ADH7: variants seen among roughly 807,000 people sequenced by gnomAD.
ADH7 encodes all-trans-retinol dehydrogenase [NAD(+)] ADH7.
Under a neutral mutation model 34.4 loss-of-function variants are expected in ADH7, and 41 were observed. The ratio of observed to expected loss-of-function variants is 1.19; its 90% CI spans 0.93 to 1.55. The LOEUF (loss-of-function observed/expected upper bound fraction) is 1.55, where lower values mean the gene tolerates loss of function less well. Ranked by LOEUF, ADH7 falls within the 40% of genes most tolerant of loss-of-function variation. The probability of loss-of-function intolerance (pLI) is 0.00; values close to 1 mark genes in which losing one functional copy is unlikely to be tolerated. For synonymous variants in ADH7, 180 were observed against 160.9 expected, an observed-to-expected ratio of 1.12 and a Z score of -0.90; for missense variants, 540 against 461.2, an observed-to-expected ratio of 1.17 and a Z score of -1.56.
chr4:99,433,082 G>A (rs141294025), intron 1 of ADH7, among the ~76,000 whole-genome samples: 1 of 152,246 alleles, frequency 6.6e-6, no homozygotes, highest in Non-Finnish European at 1.5e-5. Context: ...AAAGTAATTT[G>A]CATGGTACAT....
At chr4:99,431,370 GA>G (rs1390599844) in intron 1 of ADH7, among the ~76,000 whole-genome samples, 1 of 152,092 alleles carries the variant, frequency 6.6e-6, no homozygotes, top group African/African-American at 2.4e-5. Context: ...AAAAACCCTG[GA>G]AGATAACTTA....
chr4:99,413,129 C>A lies in ADH7; in HGVS notation c.*19G>T. On this transcript the variant is annotated 3_prime_UTR_variant, in exon 9 of 9. Transcript: ENST00000437033. Reference sequence around the variant, plus strand: ...CTCCAGTTCACCATGACAACACAGACCTCCTGCCACTTTGGATCTCAAAAC... The same window carrying A: ...CTCCAGTTCACCATGACAACACAGAACTCCTGCCACTTTGGATCTCAAAAC... 1.2e-6 allele frequency: 2 copies of A among 1,613,558 alleles called. No homozygotes were observed. The highest frequency in any genetic ancestry group is 1.6e-4 in the Middle Eastern group (1 of 6,062).
chr4:99,416,197 A>G (rs1486473342), intron 7 of ADH7, among the ~76,000 whole-genome samples: 1 of 152,126 alleles, frequency 6.6e-6, no homozygotes, highest in East Asian at 1.9e-4. Context: ...TGATACCCAC[A>G]TCTCCTTCCA....
intron 2 of ADH7, among the ~76,000 whole-genome samples, 192 bp from the exon 3 acceptor site, chr4:99,428,822 A>G (rs912308672): frequency 6.6e-6 from 1 of 152,206 alleles, no homozygotes; most frequent in African/African-American, 2.4e-5. Flanking sequence ...GGAACTTATA[A>G]TATTGCTCCC....
intron 5 of ADH7, among the ~76,000 whole-genome samples, chr4:99,425,473 A>G (rs1290681866): frequency 6.6e-6 from 1 of 152,204 alleles, no homozygotes; most frequent in Non-Finnish European, 1.5e-5. Context: ...AGGCCATTAC[A>G]TAGTGGTAAA....
intron 3 of ADH7, 47 bp from the exon 4 acceptor site, chr4:99,428,221 A>C: frequency 6.6e-7 from 1 of 1,523,004 alleles, no homozygotes. Context: ...TTAATGTTAA[A>C]ATATGAAATT....
chr4:99,419,045 A>G lies in ADH7; in HGVS notation c.902T>C (p.Leu301Pro). 1 of 1,613,886 alleles carries G rather than the reference A, an allele frequency of 6.2e-7. No homozygotes were observed. Among genetic ancestry groups the G allele is most frequent in the Non-Finnish European group, 8.5e-7 (1 of 1,179,872 alleles). ...GAAGAGCAACATCGGGTCATAGGTG[A>G]GCATCTTGGCTGATGGAGGAACTCC... ...VVGVPPSAKM[L>P]TYDPMLLFTG... Residue 301 changes from leucine (L) to proline (P), a missense_variant, in exon 7 of 9, where the codon CTC (leucine) becomes CCC (proline). Physicochemically the swap from Leu to Pro is moderately conservative, Grantham distance 98 (BLOSUM62 -3). Transcript: ENST00000437033.
At chr4:99,415,329 C>A (rs756056316) in intron 8 of ADH7, 149 bp downstream of exon 8, 1 of 830,422 alleles carries the variant, frequency 1.2e-6, no homozygotes, top group Non-Finnish European at 1.9e-6. Context: ...TACACTAATG[C>A]AGTGGGTAAA....
At chr4:99,434,417 A>G (rs1190833617) in intron 1 of ADH7, among the ~76,000 whole-genome samples, 1 of 152,114 alleles carries the variant, frequency 6.6e-6, no homozygotes. Context: ...GACTTGTCAC[A>G]TTACCCAGAC....
chr4:99,422,064 A>G (rs1721678416), intron 5 of ADH7, among the ~76,000 whole-genome samples: 1 of 152,252 alleles, frequency 6.6e-6, no homozygotes, highest in Non-Finnish European at 1.5e-5. Context: ...GAGAATATAA[A>G]TTAGTTCAAC....
chr4:99,425,025 C>A (rs1273836769), intron 5 of ADH7, among the ~76,000 whole-genome samples: 1 of 151,922 alleles, frequency 6.6e-6, no homozygotes, highest in Non-Finnish European at 1.5e-5. Flanking sequence ...TCATAGATAG[C>A]ACCAGGCCTG....
At chr4:99,432,263 T>C (rs1207930614) in intron 1 of ADH7, among the ~76,000 whole-genome samples, 2 of 152,012 alleles carry the variant, frequency 1.3e-5, no homozygotes, top group Admixed American at 1.3e-4. Context: ...AAGCTAAATA[T>C]TGAGTACCTA....
Position 99,427,841 on chromosome 4 carries a change from G to C in ADH7, c.496C>G (p.Pro166Ala), listed in dbSNP as rs1721844688. The change falls in exon 5 of 9, where the codon CCT becomes GCT. Residue 166 changes from proline to alanine, a missense_variant. Pro to Ala is a conservative substitution (Grantham distance 27, BLOSUM62 -1). Transcript: ENST00000437033. ...SVAKIDDAAP[P>A]EKVCLIGCGF... is the part of the protein sequence containing the mutation. ...CAGCCAATTAAACAGACTTTCTCAG[G>C]AGGAGCTGCATCATCAATCTTAGCA... The C allele has an allele frequency of 1.2e-6, 2 of 1,611,912 alleles. No homozygotes were observed. Among genetic ancestry groups the C allele is most frequent in the Non-Finnish European group, 1.7e-6 (2 of 1,178,862 alleles).
intron 6 of ADH7, 73 bp downstream of exon 6, chr4:99,420,460 T>C (rs1341394355): frequency 2.3e-5 from 33 of 1,463,674 alleles, no homozygotes; most frequent in Non-Finnish European, 3.1e-5. Context: ...AATAAAGTTA[T>C]AGACAATTAA....
chr4:99,429,446 T>A, intron 2 of ADH7, 86 bp downstream of exon 2: 1 of 931,384 alleles, frequency 1.1e-6, no homozygotes, highest in Non-Finnish European at 1.6e-6. Context: ...CATCTCCTTA[T>A]TTAAGAATCC....
chr4:99,419,145 G>A (rs756177333), intron 6 of ADH7, 24 bp from the exon 7 acceptor site: 13 of 1,608,020 alleles, frequency 8.1e-6, no homozygotes, highest in Middle Eastern at 1.6e-4. Context: ...GGAGGAGATC[G>A]TTTGCTTCCT....
rs114623139 is a variant in ADH7, at chr4:99,416,987, C to T, written c.962-1371G>A. ...TCTTTTTGCCATACAATAACTATTT[C>T]GGCAAATTTTGTTGACTCTATCTTC... On this transcript the variant is annotated intron_variant, in intron 7 of 8. Coordinates refer to ENST00000437033, the MANE Select transcript of ADH7 (RefSeq NM_000673.7). Among the ~76,000 whole-genome samples the T allele has an allele frequency of 1.5e-3, 234 of 152,218 alleles. 1 individual carries two copies. The highest frequency in any genetic ancestry group is 5.2e-3 in the African/African-American group (218 of 41,538).
At chr4:99,418,096 G>A (rs1366107797) in intron 7 of ADH7, among the ~76,000 whole-genome samples, 1 of 152,082 alleles carries the variant, frequency 6.6e-6, no homozygotes, top group African/African-American at 2.4e-5. Flanking sequence ...TCCTCAGAGA[G>A]TTACTGAGAA....
intron 7 of ADH7, among the ~76,000 whole-genome samples, chr4:99,418,519 T>G (rs554669180): frequency 6.6e-6 from 1 of 152,338 alleles, no homozygotes; most frequent in Non-Finnish European, 1.5e-5. Context: ...TGTTGAGTGA[T>G]AATCTAAGTC....
Sources: gnomAD v4.1 joint callset for allele counts (sites outside exome capture counted in the v4.1 genomes callset) on GRCh38, gnomAD v4.1.1 for gene constraint, MANE v1.5 for transcripts, NCBI Gene and HGNC (gene_info 2026-07-23, HGNC 2026-07-21) for gene names.